Variants in L3MBTL4 observed in about 807,000 individuals in gnomAD.
L3MBTL4 encodes lethal(3)malignant brain tumor-like protein 4.
Under a neutral mutation model 84.5 loss-of-function variants are expected in L3MBTL4, and 70 were observed. The ratio of observed to expected loss-of-function variants is 0.83; its 90% confidence interval spans 0.68 to 1.01. L3MBTL4 has a LOEUF of 1.01. L3MBTL4 is among the 50% of genes least tolerant of loss of function. The pLI, the probability that L3MBTL4 is intolerant of heterozygous loss-of-function variation, is 0.00. For missense variants in L3MBTL4, 715 were observed against 754.8 expected (o/e 0.95, Z 0.62); for synonymous variants, 274 against 259.8 (o/e 1.05, Z -0.52).
chr18:6,113,939 G>A (rs1317750441), intron 14 of L3MBTL4, among the ~76,000 whole-genome samples: 1 of 152,190 alleles, frequency 6.6e-6, no homozygotes, highest in Non-Finnish European at 1.5e-5. Flanking sequence ...CCTACTTGGA[G>A]ATTAAGACCT....
chr18:6,160,731 CAAAAAA>C (rs560903489), intron 13 of L3MBTL4, among the ~76,000 whole-genome samples: 14 of 48,474 alleles, frequency 2.9e-4, no homozygotes, highest in Non-Finnish European at 5.4e-4. Flanking sequence ...AGATCCGTCT[CAAAAAA>C]AAAAAAAAAA....
chr18:6,384,331 C>T (rs1243941872), intron 1 of L3MBTL4, among the ~76,000 whole-genome samples: 1 of 152,040 alleles, frequency 6.6e-6, no homozygotes, highest in African/African-American at 2.4e-5. Context: ...TTCATGTATA[C>T]AGACACATCC....
chr18:6,413,995 A>G (rs1419834071), intron 1 of L3MBTL4: 1 of 152,338 alleles, frequency 6.6e-6, no homozygotes, highest in African/African-American at 2.4e-5. Flanking sequence ...GCTCTCACCA[A>G]TCCCGCAGGT....
At chr18:6,304,164 T>C (rs1282305708) in intron 3 of L3MBTL4, among the ~76,000 whole-genome samples, 1 of 152,224 alleles carries the variant, frequency 6.6e-6, no homozygotes, top group Non-Finnish European at 1.5e-5. Flanking sequence ...AATTTCATTT[T>C]CCTACCTTTT....
chr18:6,015,483 C>G (rs548284779), intron 16 of L3MBTL4, among the ~76,000 whole-genome samples: 4 of 152,056 alleles, frequency 2.6e-5, no homozygotes, highest in Non-Finnish European at 4.4e-5. Context: ...GTCCCAGGAG[C>G]CTTTGGGGGA....
chr18:6,090,623 CATAT>C (rs964793952), intron 15 of L3MBTL4, among the ~76,000 whole-genome samples: 4 of 122,520 alleles, frequency 3.3e-5, no homozygotes, highest in Admixed American at 1.6e-4. Context: ...CACACACACA[CATAT>C]ATTTCTTTTT....
intron 4 of L3MBTL4, among the ~76,000 whole-genome samples, chr18:6,267,689 C>T (rs2048694596): frequency 6.6e-6 from 1 of 152,332 alleles, no homozygotes; most frequent in Admixed American, 6.5e-5. Flanking sequence ...TGCATTATCA[C>T]TTCACCGAAA....
At chr18:6,004,738 G>A (rs2054385982) in intron 16 of L3MBTL4, among the ~76,000 whole-genome samples, 1 of 152,146 alleles carries the variant, frequency 6.6e-6, no homozygotes, top group African/African-American at 2.4e-5. Flanking sequence ...ATGACATTAA[G>A]TGAACACAAA....
chr18:5,984,238 T>G (rs755819564), intron 16 of L3MBTL4, among the ~76,000 whole-genome samples: 27 of 152,232 alleles, frequency 1.8e-4, no homozygotes, highest in Non-Finnish European at 3.5e-4. Context: ...AAAGGCCATG[T>G]AAATTTATTA....
intron 14 of L3MBTL4, among the ~76,000 whole-genome samples, chr18:6,099,318 A>C (rs1298740062): frequency 6.6e-6 from 1 of 152,028 alleles, no homozygotes; most frequent in Non-Finnish European, 1.5e-5. Flanking sequence ...GCACCAAAAG[A>C]CATAATAAAT....
intron 1 of L3MBTL4, among the ~76,000 whole-genome samples, chr18:6,329,242 C>G (rs1272947153): frequency 6.6e-6 from 1 of 150,850 alleles, no homozygotes; most frequent in East Asian, 2.0e-4. Flanking sequence ...CAAGCTCCGC[C>G]TCCTGGGTTC....
intron 14 of L3MBTL4, among the ~76,000 whole-genome samples, chr18:6,135,253 G>C (rs542183615): frequency 3.3e-5 from 5 of 152,136 alleles, no homozygotes; most frequent in Non-Finnish European, 7.3e-5. Flanking sequence ...TTCCTCCTGG[G>C]CCTCCAGGCC....
chr18:6,356,386 A>G (rs957502921), intron 1 of L3MBTL4, among the ~76,000 whole-genome samples: 21 of 152,260 alleles, frequency 1.4e-4, no homozygotes, highest in African/African-American at 5.1e-4. Context: ...TCCTGCTCAC[A>G]GATGGATTTT....
intron 1 of L3MBTL4, among the ~76,000 whole-genome samples, chr18:6,406,428 T>C (rs1269835338): frequency 1.3e-5 from 2 of 148,198 alleles, no homozygotes; most frequent in East Asian, 2.1e-4. Flanking sequence ...TTGTAGAGAA[T>C]GTGCTTTTCG....
intron 13 of L3MBTL4, among the ~76,000 whole-genome samples, chr18:6,165,350 G>A (rs1253505187): frequency 1.3e-5 from 2 of 152,068 alleles, no homozygotes; most frequent in Non-Finnish European, 2.9e-5. Context: ...GATACTCCTC[G>A]AGAAGAGCAA....
At chr18:6,233,233 G>T (rs1163934512) in intron 10 of L3MBTL4, among the ~76,000 whole-genome samples, 1 of 151,020 alleles carries the variant, frequency 6.6e-6, no homozygotes, top group African/African-American at 2.5e-5. Context: ...GGCAAAAACT[G>T]GAAGCATTCC....
At chr18:6,066,740 A>G (rs1304789008) in intron 16 of L3MBTL4, among the ~76,000 whole-genome samples, 1 of 152,006 alleles carries the variant, frequency 6.6e-6, no homozygotes, top group Non-Finnish European at 1.5e-5. Context: ...CCTTAAGTTT[A>G]TGTGACTCCT....
intron 3 of L3MBTL4, among the ~76,000 whole-genome samples, chr18:6,303,412 C>A (rs1341963604): frequency 6.6e-6 from 1 of 152,082 alleles, no homozygotes; most frequent in Non-Finnish European, 1.5e-5. Context: ...TGCACCACTG[C>A]GCCTGGCCAA....
intron 12 of L3MBTL4, among the ~76,000 whole-genome samples, chr18:6,194,483 T>G (rs1198181700): frequency 6.6e-6 from 1 of 152,234 alleles, no homozygotes; most frequent in African/African-American, 2.4e-5. Context: ...GCATCACAGT[T>G]ATTACCAATT....
Sources: allele counts gnomAD v4.1 joint callset (sites outside exome capture counted in the v4.1 genomes callset), GRCh38; gene constraint gnomAD v4.1.1; transcripts MANE v1.5; gene names NCBI Gene and HGNC (gene_info 2026-07-23, HGNC 2026-07-21).